Variants in TEC observed in about 807,000 individuals in gnomAD.
The protein encoded by TEC is tyrosine-protein kinase Tec.
A neutral mutation model predicts 93.0 loss-of-function variants in TEC; 72 were observed. The ratio of observed to expected loss-of-function variants is 0.77; its 90% CI spans 0.64 to 0.94. The LOEUF is 0.94. Ranked by LOEUF, TEC falls within the 40% of genes least tolerant of loss-of-function variation. The pLI is 0.00. For missense variants in TEC, 630 were observed against 757.9 expected (o/e 0.83, Z 1.98); for synonymous variants, 249 against 247.7 (o/e 1.01, Z -0.05).
chr4:48,193,777 G>GTTTT (rs113925714), intron 2 of TEC, among the ~76,000 whole-genome samples: 22,157 of 147,232 alleles, frequency 0.15, 2,092 homozygotes, highest in African/African-American at 0.25. Flanking sequence ...ATGTGTTAGG[G>GTTTT]TTTTTTTTTT....
At chr4:48,213,970 A>G (rs1277480152) in intron 2 of TEC, among the ~76,000 whole-genome samples, 3 of 152,186 alleles carry the variant, frequency 2.0e-5, no homozygotes, top group Admixed American at 6.5e-5. Flanking sequence ...CTAAATTTAA[A>G]TAATGCACCA....
chr4:48,168,978 AT>A (rs1214100261), intron 5 of TEC, among the ~76,000 whole-genome samples: 1 of 152,198 alleles, frequency 6.6e-6, no homozygotes, highest in East Asian at 1.9e-4. Flanking sequence ...TTGGCTGTCC[AT>A]TCCTCTACAG....
chr4:48,153,191 A>T (rs947015716), intron 9 of TEC, among the ~76,000 whole-genome samples: 1 of 152,146 alleles, frequency 6.6e-6, no homozygotes, highest in African/African-American at 2.4e-5. Flanking sequence ...ATATCAATGT[A>T]AATTATTTTA....
At chr4:48,262,201 C>CCTTTTTTTTTTTTT (rs1724512887) in intron 1 of TEC, among the ~76,000 whole-genome samples, 1 of 80,208 alleles carries the variant, frequency 1.2e-5, no homozygotes, top group Non-Finnish European at 2.4e-5. Flanking sequence ...CCAAATGTCT[C>CCTTTTTTTTTTTTT]TTTTTTTTTT....
At chr4:48,269,521 G>A (rs1560431451) in intron 1 of TEC, among the ~76,000 whole-genome samples, 1 of 152,272 alleles carries the variant, frequency 6.6e-6, no homozygotes, top group African/African-American at 2.4e-5. Context: ...ACTGCCGGCA[G>A]GAAGGCGAGG....
At chr4:48,168,000 C>G (rs1720943843) in intron 6 of TEC, 47 bp from the exon 7 acceptor site, 1 of 1,569,714 alleles carries the variant, frequency 6.4e-7, no homozygotes, top group Non-Finnish European at 8.7e-7. Context: ...CTATATGAAA[C>G]TGATCATGAA....
At chr4:48,247,743 T>G (rs1440383931) in intron 1 of TEC, among the ~76,000 whole-genome samples, 1 of 152,182 alleles carries the variant, frequency 6.6e-6, no homozygotes, top group Non-Finnish European at 1.5e-5. Flanking sequence ...TGGGGTTTCT[T>G]TCTGAGATAA....
At chr4:48,239,390 T>G (rs553338612) in intron 1 of TEC, among the ~76,000 whole-genome samples, 1 of 152,334 alleles carries the variant, frequency 6.6e-6, no homozygotes, top group South Asian at 2.1e-4. Flanking sequence ...TCACTTTAAG[T>G]GGCAAATTCT....
At chr4:48,269,294 G>C (rs890923013) in intron 1 of TEC, among the ~76,000 whole-genome samples, 4 of 152,224 alleles carry the variant, frequency 2.6e-5, no homozygotes, top group Non-Finnish European at 5.9e-5. Flanking sequence ...CCATTAACTT[G>C]TCATTTACAT....
At chr4:48,172,316 C>T (rs1205001418) in intron 3 of TEC, among the ~76,000 whole-genome samples, 2 of 152,198 alleles carry the variant, frequency 1.3e-5, no homozygotes, top group African/African-American at 4.8e-5. Context: ...AGAAACCTCC[C>T]TTTGTCACGT....
intron 8 of TEC, among the ~76,000 whole-genome samples, chr4:48,160,948 T>C (rs1720633313): frequency 6.6e-6 from 1 of 151,660 alleles, no homozygotes; most frequent in Non-Finnish European, 1.5e-5. Flanking sequence ...TAGAGGCTAA[T>C]ACCTTTTGAT....
At chr4:48,160,032 C>T (rs1191174290) in intron 8 of TEC, among the ~76,000 whole-genome samples, 1 of 152,198 alleles carries the variant, frequency 6.6e-6, no homozygotes, top group East Asian at 1.9e-4. Flanking sequence ...CAGATCCAAG[C>T]CACAGCAGTC....
At chr4:48,183,091 G>A (rs1254876224) in intron 2 of TEC, among the ~76,000 whole-genome samples, 1 of 152,130 alleles carries the variant, frequency 6.6e-6, no homozygotes, top group Non-Finnish European at 1.5e-5. Context: ...TGTCTGCATT[G>A]CAAGAGGACC....
chr4:48,137,596 A>T, intron 17 of TEC, 97 bp from the exon 18 acceptor site: 2 of 996,244 alleles, frequency 2.0e-6, no homozygotes, highest in Non-Finnish European at 3.1e-6. Flanking sequence ...TTACAGAGAG[A>T]CTTCACTGCT....
chr4:48,160,777 AGAAAGAAAAG>A (rs1720608854), intron 8 of TEC, among the ~76,000 whole-genome samples: 1 of 148,634 alleles, frequency 6.7e-6, no homozygotes, highest in East Asian at 2.0e-4. Flanking sequence ...AAAAAAAGAA[AGAAAGAAAAG>A]AAAAGAAGAA....
intron 8 of TEC, among the ~76,000 whole-genome samples, chr4:48,161,794 T>C (rs938369860): frequency 2.0e-5 from 3 of 152,004 alleles, no homozygotes; most frequent in African/African-American, 7.3e-5. Context: ...ATGGGCACAA[T>C]CTAATCAGCT....
At chr4:48,220,625 G>A (rs1405335781) in intron 2 of TEC, among the ~76,000 whole-genome samples, 1 of 152,162 alleles carries the variant, frequency 6.6e-6, no homozygotes, top group Non-Finnish European at 1.5e-5. Flanking sequence ...GCAGAACAGT[G>A]AGCTAAATAA....
chr4:48,220,140 ATCTTAAAT>A (rs1324321201), intron 2 of TEC, among the ~76,000 whole-genome samples: 1 of 148,826 alleles, frequency 6.7e-6, no homozygotes, highest in African/African-American at 2.5e-5. Context: ...GGAGAACTCA[ATCTTAAAT>A]TCCTAAATAC....
At chr4:48,159,758 C>G (rs1276092698) in intron 8 of TEC, among the ~76,000 whole-genome samples, 1 of 152,138 alleles carries the variant, frequency 6.6e-6, no homozygotes, top group Non-Finnish European at 1.5e-5. Context: ...CCATGTTGGC[C>G]AGGCTGGTCT....
Sources: gnomAD v4.1 joint callset for allele counts (sites outside exome capture counted in the v4.1 genomes callset) on GRCh38, gnomAD v4.1.1 for gene constraint, MANE v1.5 for transcripts, NCBI Gene and HGNC (gene_info 2026-07-23, HGNC 2026-07-21) for gene names.